Variants in ARCN1 observed in about 807,000 individuals in gnomAD.
ARCN1 encodes archain 1 coat protein complex I subunit delta.
A neutral mutation model predicts 60.4 loss-of-function variants in ARCN1; 5 were observed. The ratio of observed to expected loss-of-function variants is 0.08; its 90% CI spans 0.04 to 0.17. The LOEUF is 0.17. ARCN1 is among the 10% of genes least tolerant of loss of function. The pLI, the probability that ARCN1 is intolerant of heterozygous loss-of-function variation, is 1.00. For synonymous variants in ARCN1, 224 were observed against 220.0 expected, an observed-to-expected ratio of 1.02 and a Z score of -0.16; for missense variants, 464 against 626.5, an observed-to-expected ratio of 0.74 and a Z score of 2.77.
chr11:118,576,176 C>T (rs1271011888), intron 1 of ARCN1, among the ~76,000 whole-genome samples: 2 of 151,958 alleles, frequency 1.3e-5, no homozygotes, highest in African/African-American at 4.8e-5. Flanking sequence ...TTACTTGAGG[C>T]ACTTAACAAT....
intron 9 of ARCN1, among the ~76,000 whole-genome samples, chr11:118,598,685 G>A (rs1939084332): frequency 6.6e-6 from 1 of 151,852 alleles, no homozygotes; most frequent in African/African-American, 2.4e-5. Flanking sequence ...GGTAGAGACG[G>A]GGTTTCTCCA....
In ARCN1 at chr11:118,574,271, G is replaced by T. The variant is rs141745700; in HGVS notation, c.3+1721G>T. ...CTGCTCTGTAGAGTGTTAAGACATT[G>T]GTATGATTTCTGTGTAATGTTTTTG... On this transcript the variant is annotated intron_variant, in intron 1 of 9. Coordinates refer to ENST00000264028, the MANE Select transcript of ARCN1 (RefSeq NM_001655.5). 8.9e-4 allele frequency among the ~76,000 whole-genome samples: 136 copies of T among 152,158 alleles called. 4 individuals are homozygous for T. In the East Asian group the frequency reaches 0.012, roughly 13 times the overall value.
chr11:118,593,256 A>G (rs996067623), intron 7 of ARCN1, among the ~76,000 whole-genome samples: 3 of 141,800 alleles, frequency 2.1e-5, no homozygotes, highest in Non-Finnish European at 4.6e-5. Flanking sequence ...AAAGACACAA[A>G]CTCCCTCTGT....
chr11:118,603,001 T>A lies in ARCN1; in HGVS notation c.*2287T>A, dbSNP rs1939181006. On this transcript the variant is annotated 3_prime_UTR_variant, in exon 10 of 10. Coordinates refer to ENST00000264028, the MANE Select transcript of ARCN1 (RefSeq NM_001655.5). The stretch of plus-strand genomic sequence containing the variant: ...AGGATGCTGTAATGGGACCTAACAT[T>A]AAAAATTAATGACATGTTTTTTTTA... 1 of 153,752 alleles carries A rather than the reference T, an allele frequency of 6.5e-6. No individual in the cohort carries two copies. The highest frequency in any genetic ancestry group is 6.5e-5 in the Admixed American group (1 of 15,288). The allele number at this position is 153,752 out of a possible 1,614,324, so 9.5% of individuals were successfully genotyped here. A position where few individuals can be genotyped will look rare whatever the true frequency, so the allele number is the denominator to read the frequency against.
rs891780203 is a variant in ARCN1 at position 118,593,483 on chromosome 11, G to C, written c.1133-107G>C. ...TGGCCTCAACCAATCCTCCCACCTC[G>C]ATCCTACCACCTTGGTCCTCTAAAG... On this transcript the variant is annotated intron_variant, in intron 7 of 9. Transcript: ENST00000264028. 4.9e-6 allele frequency: 3 copies of C among 606,958 alleles called. No homozygotes were observed. In the East Asian group the frequency reaches 1.1e-4, roughly 21 times the overall value. The allele number at this position is 606,958 out of a possible 1,614,324, so 37.6% of individuals were successfully genotyped here.
intron 1 of ARCN1, among the ~76,000 whole-genome samples, chr11:118,580,189 G>A (rs1938619858): frequency 6.6e-6 from 1 of 152,152 alleles, no homozygotes; most frequent in Admixed American, 6.6e-5. Flanking sequence ...CAGGCATGAT[G>A]GCACCTGCCT....
At position 118,576,426 on chromosome 11, in the gene ARCN1, T is replaced by TAAAAAAAAA. The variant is rs10671866; in HGVS notation, c.3+3891_3+3899dup. ...TCTGGAATGTTTTTTCCAAAAATGT[T>TAAAAAAAAA]AAAAAAAAAAAAAAAAAAAAAAACC... On this transcript the variant is annotated intron_variant, in intron 1 of 9. Transcript: ENST00000264028. 3.8e-4 allele frequency among the ~76,000 whole-genome samples: 41 copies of TAAAAAAAAA among 108,732 alleles called. 1 individual carries two copies. The highest frequency in any genetic ancestry group is 5.7e-4 in the East Asian group (2 of 3,504). 71.3% of individuals were successfully genotyped at this position (108,732 alleles called of 152,430 possible). A position where few individuals can be genotyped will look rare whatever the true frequency, so the allele number is the denominator to read the frequency against.
chr11:118,597,596 G>A (rs1939054190), intron 8 of ARCN1, 111 bp from the exon 9 acceptor site: 2 of 1,089,166 alleles, frequency 1.8e-6, no homozygotes, highest in Non-Finnish European at 2.6e-6. Flanking sequence ...CCCTGAAATT[G>A]TAGTCCTAGA....
chr11:118,597,577 CT>C (rs1257109686), intron 8 of ARCN1, 129 bp from the exon 9 acceptor site: 76 of 656,082 alleles, frequency 1.2e-4, no homozygotes, highest in Non-Finnish European at 1.5e-4. Flanking sequence ...AGTTATTAGC[CT>C]TTTTTTCCCC....
chr11:118,593,729 G>T, intron 8 of ARCN1, 31 bp downstream of exon 8: 2 of 1,487,134 alleles, frequency 1.3e-6, no homozygotes, highest in South Asian at 2.3e-5. Flanking sequence ...CTCTACGGTG[G>T]ACTTAGAGAA....
At chr11:118,575,124 G>T (rs932092052) in intron 1 of ARCN1, among the ~76,000 whole-genome samples, 1 of 152,054 alleles carries the variant, frequency 6.6e-6, no homozygotes, top group African/African-American at 2.4e-5. Context: ...GACTGCAGGC[G>T]CCTGCCACCA....
chr11:118,581,159 T>C, intron 1 of ARCN1, 87 bp from the exon 2 acceptor site: 2 of 1,509,616 alleles, frequency 1.3e-6, no homozygotes, highest in Admixed American at 1.8e-5. Flanking sequence ...TAAATAAATA[T>C]GTCATTCTAT....
Position 118,593,688 on chromosome 11 carries a change from A to G in ARCN1, c.1231A>G (p.Ile411Val), listed in dbSNP as rs961710525. The stretch of plus-strand genomic sequence containing the variant: ...AGAACTGAATGATGTGGTTATCACC[A>G]TCCCACTCCCGTAAGTGCTGTCCCT... ...NLELNDVVIT[I>V]PLPSGVGAPV... Residue 411 changes from isoleucine to valine, a missense_variant, in exon 8 of 10, where the codon ATC becomes GTC. By Grantham distance (29) the Ile-to-Val change is conservative (BLOSUM62 3). Around this residue, in one of 2 missense-constraint regions of ARCN1, gnomAD observed 359 missense variants for 440.2 expected, o/e 0.82. Transcript: ENST00000264028. 5 of 1,608,132 alleles carry G rather than the reference A, an allele frequency of 3.1e-6. No individual in the cohort carries two copies. The highest frequency in any genetic ancestry group is 4.3e-6 in the Non-Finnish European group (5 of 1,174,812).
At position 118,597,757 on chromosome 11, in the gene ARCN1, A is replaced by C; in HGVS notation, c.1292A>C (p.His431Pro). The stretch of plus-strand genomic sequence containing the variant: ...GGTGAGATCGATGGGGAGTATCGAC[A>C]TGACAGTCGACGAAATACCCTGGAG... Reference protein sequence around the residue: ...VIGEIDGEYRHDSRRNTLEWC... With the variant: ...VIGEIDGEYRPDSRRNTLEWC... Residue 431 changes from histidine (H) to proline (P), a missense_variant, in exon 9 of 10, where the codon CAT becomes CCT. By Grantham distance (77) the His-to-Pro change is moderately conservative. Around this residue, in one of 2 missense-constraint regions of ARCN1, gnomAD observed 359 missense variants for 440.2 expected, o/e 0.82. Coordinates refer to ENST00000264028, the MANE Select transcript of ARCN1 (RefSeq NM_001655.5). 6.2e-7 allele frequency: 1 copy of C among 1,614,218 alleles called. No homozygotes were observed. The highest frequency in any genetic ancestry group is 8.5e-7 in the Non-Finnish European group (1 of 1,180,042).
chr11:118,595,567 A>G (rs1939007484), intron 8 of ARCN1, among the ~76,000 whole-genome samples: 2 of 152,220 alleles, frequency 1.3e-5, no homozygotes, highest in Admixed American at 6.5e-5. Context: ...ATGGCCCACT[A>G]TCTAGGATCA....
chr11:118,572,784 C>G, intron 1 of ARCN1: 1 of 475,576 alleles, frequency 2.1e-6, no homozygotes, highest in Non-Finnish European at 3.8e-6. Context: ...CCCCAACCAG[C>G]TGGACTCCCT....
intron 5 of ARCN1, among the ~76,000 whole-genome samples, chr11:118,589,440 A>AT (rs1938848590): frequency 6.6e-6 from 1 of 151,372 alleles, no homozygotes. Flanking sequence ...TTTATTTTTT[A>AT]TTTTTTTGAG....
chr11:118,590,464 T>A lies in ARCN1; in HGVS notation c.942T>A (p.Arg314=). The A allele has an allele frequency of 2.5e-6, 4 of 1,614,188 alleles. No individual in the cohort carries two copies. The highest frequency in any genetic ancestry group is 3.4e-6 in the Non-Finnish European group (4 of 1,180,024). The change falls in exon 6 of 10, where the codon CGT becomes CGA. Residue 314 remains arginine, a synonymous_variant. Coordinates refer to ENST00000264028, the MANE Select transcript of ARCN1 (RefSeq NM_001655.5). ...RISDDKYGRI[R]LHVENEDKKG... is the part of the protein sequence containing the mutation. ...CAGATGACAAGTATGGCCGAATTCG[T>A]CTTCATGTGGAAAATGAAGATAAGA...
chr11:118,593,194 G>A (rs571999244), intron 7 of ARCN1, among the ~76,000 whole-genome samples: 73 of 151,544 alleles, frequency 4.8e-4, no homozygotes, highest in South Asian at 8.4e-4. Context: ...CTCTTTAGTA[G>A]CTGGGACTAG....
Sources: allele counts gnomAD v4.1 joint callset (sites outside exome capture counted in the v4.1 genomes callset), GRCh38; gene constraint gnomAD v4.1.1; regional missense constraint gnomAD v4.1.1; transcripts MANE v1.5; gene names NCBI Gene and HGNC (gene_info 2026-07-23, HGNC 2026-07-21).